Variants in OSBPL1A observed in about 807,000 individuals in gnomAD.
The protein encoded by OSBPL1A is oxysterol-binding protein-related protein 1.
Under a neutral mutation model 137.1 loss-of-function variants are expected in OSBPL1A, and 80 were observed. The ratio of observed to expected loss-of-function variants is 0.58; its 90% CI spans 0.49 to 0.70. The LOEUF (loss-of-function observed/expected upper bound fraction) is 0.70. Among genes scored for constraint, OSBPL1A ranks in the 30% least tolerant of loss-of-function variants. OSBPL1A has a pLI of 0.00. For synonymous variants in OSBPL1A, 365 were observed against 389.7 expected (o/e 0.94, Z 0.75); for missense variants, 970 against 1,129.4 (o/e 0.86, Z 2.02).
chr18:24,219,319 T>C (rs1422783346), intron 17 of OSBPL1A, among the ~76,000 whole-genome samples: 2 of 152,024 alleles, frequency 1.3e-5, no homozygotes, highest in East Asian at 1.9e-4. Flanking sequence ...AATCAGAACA[T>C]TGATGTGGTG....
Position 24,163,159 on chromosome 18 carries a change from C to T in OSBPL1A, c.*20G>A, listed in dbSNP as rs759102114. The T allele has an allele frequency of 1.0e-5, 16 of 1,551,638 alleles. No individual in the cohort carries two copies. In the African/African-American group the frequency reaches 1.4e-4, roughly 13 times the overall value. On this transcript the variant is annotated 3_prime_UTR_variant, in exon 28 of 28. Transcript: ENST00000319481. ...AAGACTTATTTGTAGATTAGCCAAACACCCTGACTTGTATGCATTTTAATA... is the reference window on the plus strand; with the variant it reads ...AAGACTTATTTGTAGATTAGCCAAATACCCTGACTTGTATGCATTTTAATA...
At position 24,162,065 on chromosome 18, in the gene OSBPL1A, C is replaced by G. The variant is rs534134576; in HGVS notation, c.*1114G>C. On this transcript the variant is annotated 3_prime_UTR_variant, in exon 28 of 28. Transcript: ENST00000319481. ...CACACTTTTGGGGAACATTCTAAAGCCTTTATTTAGCATCAGGTAGATTAT... is the reference window on the plus strand; with the variant it reads ...CACACTTTTGGGGAACATTCTAAAGGCTTTATTTAGCATCAGGTAGATTAT... 6.6e-6 allele frequency: 1 copy of G among 152,376 alleles called. No individual in the cohort carries two copies. The highest frequency in any genetic ancestry group is 2.1e-4 in the South Asian group (1 of 4,834). The allele number at this position is 152,376 out of a possible 1,614,324, so 9.4% of individuals were successfully genotyped here. A position where few individuals can be genotyped will look rare whatever the true frequency, so the allele number is the denominator to read the frequency against.
chr18:24,199,953 G>C (rs1250065009), intron 17 of OSBPL1A, among the ~76,000 whole-genome samples: 3 of 152,304 alleles, frequency 2.0e-5, no homozygotes, highest in East Asian at 3.9e-4. Flanking sequence ...AATCCAGCCA[G>C]AGAAATACAA....
chr18:24,305,584 GTTAA>G (rs1206332717), intron 13 of OSBPL1A, among the ~76,000 whole-genome samples: 3 of 152,144 alleles, frequency 2.0e-5, no homozygotes, highest in Non-Finnish European at 4.4e-5. Context: ...ATTTATGAAA[GTTAA>G]TTCTTATTAA....
At chr18:24,188,847 A>G (rs1480163790) in intron 18 of OSBPL1A, among the ~76,000 whole-genome samples, 1 of 152,206 alleles carries the variant, frequency 6.6e-6, no homozygotes, top group East Asian at 1.9e-4. Context: ...TCCCTCTTAG[A>G]CCTCTTGAAA....
intron 14 of OSBPL1A, among the ~76,000 whole-genome samples, chr18:24,282,333 A>G (rs889536460): frequency 7.2e-5 from 11 of 152,358 alleles, no homozygotes; most frequent in Admixed American, 7.2e-4. Flanking sequence ...ATTATTCTGT[A>G]GTTATCATGG....
chr18:24,362,964 C>T (rs116816809), intron 4 of OSBPL1A, among the ~76,000 whole-genome samples: 1 of 152,218 alleles, frequency 6.6e-6, no homozygotes, highest in South Asian at 2.1e-4. Context: ...CCTCCCCAAA[C>T]AAGTCTGACC....
intron 4 of OSBPL1A, among the ~76,000 whole-genome samples, chr18:24,351,815 T>G (rs564583499): frequency 6.6e-6 from 1 of 152,332 alleles, no homozygotes; most frequent in Admixed American, 6.5e-5. Context: ...GCTGGGATTA[T>G]AGGCGTGAGC....
At chr18:24,171,655 T>C (rs1472704989) in intron 22 of OSBPL1A, among the ~76,000 whole-genome samples, 157 bp from the exon 23 acceptor site, 1 of 152,184 alleles carries the variant, frequency 6.6e-6, no homozygotes, top group Non-Finnish European at 1.5e-5. Context: ...CCTCAATTGG[T>C]AATCTTCCCA....
intron 13 of OSBPL1A, among the ~76,000 whole-genome samples, chr18:24,305,171 T>C (rs2090476626): frequency 1.3e-5 from 2 of 152,224 alleles, no homozygotes; most frequent in South Asian, 4.1e-4. Context: ...GGCATAAAAG[T>C]AAGCAATGGC....
intron 1 of OSBPL1A, among the ~76,000 whole-genome samples, chr18:24,396,525 ATAGT>A (rs1425934562): frequency 2.6e-5 from 4 of 152,208 alleles, no homozygotes; most frequent in East Asian, 3.8e-4. Flanking sequence ...ATGAAAAAGA[ATAGT>A]TAAATTTTAA....
At chr18:24,224,805 A>G (rs1388587861) in intron 17 of OSBPL1A, among the ~76,000 whole-genome samples, 2 of 152,228 alleles carry the variant, frequency 1.3e-5, no homozygotes, top group Non-Finnish European at 2.9e-5. Flanking sequence ...TAAAGGATTT[A>G]TGTGCCCCTC....
intron 2 of OSBPL1A, among the ~76,000 whole-genome samples, chr18:24,376,807 G>A (rs959069673): frequency 4.6e-5 from 7 of 152,248 alleles, no homozygotes; most frequent in East Asian, 3.9e-4. Context: ...TACACCCTCC[G>A]CAGCCGCTGG....
intron 15 of OSBPL1A, among the ~76,000 whole-genome samples, chr18:24,263,508 C>A (rs2089491624): frequency 6.6e-6 from 1 of 152,164 alleles, no homozygotes; most frequent in East Asian, 1.9e-4. Flanking sequence ...AACAAAACCC[C>A]AAAACACTGC....
chr18:24,227,082 G>A (rs1034650239), intron 16 of OSBPL1A, among the ~76,000 whole-genome samples: 6 of 151,730 alleles, frequency 4.0e-5, no homozygotes, highest in Non-Finnish European at 5.9e-5. Context: ...TAGTAAAGAC[G>A]GGGTTTCACC....
At chr18:24,177,946 A>T in intron 21 of OSBPL1A, 67 bp downstream of exon 21, 1 of 1,438,864 alleles carries the variant, frequency 6.9e-7, no homozygotes. Context: ...AGGTCAGCTG[A>T]GTGTGCATGT....
rs554185662 is a variant in OSBPL1A, at chr18:24,393,083, T to C, written c.-3+4572A>G. 2.6e-5 allele frequency among the ~76,000 whole-genome samples: 4 copies of C among 152,196 alleles called. 1 individual carries two copies. The highest frequency in any genetic ancestry group is 7.2e-5 in the African/African-American group (3 of 41,532). On this transcript the variant is annotated intron_variant, in intron 1 of 27. Transcript: ENST00000319481. Reference sequence around the variant, plus strand: ...AGATTAAAGTAACTACATAAAAACATGGCAATGGCAAAAAAAAAATACTTA... The same window carrying C: ...AGATTAAAGTAACTACATAAAAACACGGCAATGGCAAAAAAAAAATACTTA...
At chr18:24,243,371 C>T (rs1198454690) in intron 15 of OSBPL1A, among the ~76,000 whole-genome samples, 1 of 152,160 alleles carries the variant, frequency 6.6e-6, no homozygotes, top group Non-Finnish European at 1.5e-5. Flanking sequence ...TTCACCCCTG[C>T]CTACCCCATC....
At chr18:24,243,750 A>G (rs1396642282) in intron 15 of OSBPL1A, among the ~76,000 whole-genome samples, 1 of 152,170 alleles carries the variant, frequency 6.6e-6, no homozygotes, top group Admixed American at 6.5e-5. Context: ...TCATCTTTCA[A>G]TTGATCTGAG....
Sources: gnomAD v4.1 joint callset for allele counts (sites outside exome capture counted in the v4.1 genomes callset) on GRCh38, gnomAD v4.1.1 for gene constraint, MANE v1.5 for transcripts, NCBI Gene and HGNC (gene_info 2026-07-23, HGNC 2026-07-21) for gene names.